TMEM63C: variants seen among roughly 807,000 people sequenced by gnomAD.
TMEM63C encodes transmembrane protein 63C.
Under a neutral mutation model 99.2 loss-of-function variants are expected in TMEM63C, and 32 were observed. The observed-to-expected ratio is 0.32, with a 90% CI of 0.24 to 0.43. TMEM63C has a LOEUF of 0.43. Ranked by LOEUF, TMEM63C falls within the 20% of genes least tolerant of loss-of-function variation. The probability of loss-of-function intolerance (pLI) is 1.00; values close to 1 mark genes in which losing one functional copy is unlikely to be tolerated. For missense variants in TMEM63C, 826 were observed against 1,053.0 expected, an observed-to-expected ratio of 0.78 and a Z score of 2.98; for synonymous variants, 376 against 397.9, an observed-to-expected ratio of 0.94 and a Z score of 0.66.
intron 1 of TMEM63C, among the ~76,000 whole-genome samples, chr14:77,202,827 AC>A (rs1888321549): frequency 6.9e-5 from 1 of 14,456 alleles, no homozygotes; most frequent in African/African-American, 3.8e-4. Flanking sequence ...AGGCAGGCGC[AC>A]ACACACACAC....
chr14:77,240,402 G>C (rs1889146178), intron 12 of TMEM63C, 73 bp from the exon 13 acceptor site: 12 of 1,509,658 alleles, frequency 7.9e-6, no homozygotes, highest in Non-Finnish European at 9.7e-6. Context: ...GGCTTGAGTG[G>C]GGAGGAACCT....
At chr14:77,239,837 C>G (rs1014501709) in intron 12 of TMEM63C, 111 bp downstream of exon 12, 5 of 1,403,176 alleles carry the variant, frequency 3.6e-6, no homozygotes, top group Admixed American at 4.7e-5. Flanking sequence ...CAGGTCTGCT[C>G]TAGTGCTCCC....
chr14:77,225,322 C>A, intron 5 of TMEM63C, 102 bp from the exon 6 acceptor site: 2 of 1,055,876 alleles, frequency 1.9e-6, no homozygotes, highest in Non-Finnish European at 1.4e-6. Context: ...GCCCCGGACG[C>A]TGCCGCGGCT....
At position 77,207,316 on chromosome 14, in the gene TMEM63C, C is replaced by T. The variant is rs1173274322; in HGVS notation, c.-76-6130C>T. 2.0e-5 allele frequency among the ~76,000 whole-genome samples: 3 copies of T among 152,270 alleles called. No homozygotes were observed. The East Asian group carries it at 5.8e-4, about 29-fold the overall frequency. ...GATGGCGTCCCAACTCCATCTGCCA[C>T]CCACAGAGGTGTTAAGAGGATAAGT... On this transcript the variant is annotated intron_variant, in intron 1 of 23. Transcript: ENST00000298351.
At chr14:77,195,199 T>C (rs1041799662) in intron 1 of TMEM63C, among the ~76,000 whole-genome samples, 2 of 152,190 alleles carry the variant, frequency 1.3e-5, no homozygotes, top group African/African-American at 4.8e-5. Context: ...CTCAGTGGGT[T>C]CACCTCTCCT....
intron 1 of TMEM63C, among the ~76,000 whole-genome samples, chr14:77,186,722 G>T (rs1224278491): frequency 1.3e-5 from 2 of 151,596 alleles, no homozygotes; most frequent in East Asian, 3.9e-4. Flanking sequence ...AATCAAAAAG[G>T]CTTCTCACAT....
At chr14:77,209,015 G>A (rs1258539478) in intron 1 of TMEM63C, among the ~76,000 whole-genome samples, 8 of 152,124 alleles carry the variant, frequency 5.3e-5, no homozygotes, top group South Asian at 2.1e-4. Context: ...TGACTGCAGC[G>A]GAGGGACGTT....
At chr14:77,220,918 GCCTCCTC>G (rs1888686709) in intron 5 of TMEM63C, among the ~76,000 whole-genome samples, 7 of 23,006 alleles carry the variant, frequency 3.0e-4, no homozygotes, top group East Asian at 7.5e-4. Flanking sequence ...TCCCACTCAC[GCCTCCTC>G]TCCCACCCAC....
At chr14:77,246,750 C>T (rs1180248725) in intron 18 of TMEM63C, 76 bp downstream of exon 18, 4 of 1,252,960 alleles carry the variant, frequency 3.2e-6, no homozygotes, top group Non-Finnish European at 1.1e-6. Context: ...TCCCTGAGTC[C>T]AGCACCTGAA....
rs373966957 is a variant in TMEM63C at position 77,240,531 on chromosome 14, C to T, written c.987C>T (p.Asn329=). The T allele has an allele frequency of 6.6e-5, 107 of 1,612,014 alleles. No homozygotes were observed. The Middle Eastern group carries it at 1.2e-3, about 17-fold the overall frequency. The change falls in exon 13 of 24, where the codon AAC becomes AAT. Residue 329 remains asparagine, a synonymous_variant. Coordinates refer to ENST00000298351, the MANE Select transcript of TMEM63C (RefSeq NM_020431.4). The part of the protein sequence containing the change: ...ELEEQLTDEF[N]AELNRVPLKR... ...AGGAGCAGCTAACGGACGAGTTCAA[C>T]GCCGAGCTCAACCGCGTGCCGCTCA...
At chr14:77,217,723 T>G (rs566496925) in intron 2 of TMEM63C, among the ~76,000 whole-genome samples, 1 of 152,228 alleles carries the variant, frequency 6.6e-6, no homozygotes, top group Non-Finnish European at 1.5e-5. Flanking sequence ...AGGCTCTGCA[T>G]TGGTGTCTCA....
chr14:77,185,989 T>G (rs1415651321), intron 1 of TMEM63C, among the ~76,000 whole-genome samples: 1 of 151,200 alleles, frequency 6.6e-6, no homozygotes, highest in African/African-American at 2.4e-5. Flanking sequence ...CAGGGACCCC[T>G]GGGATGGCGA....
intron 2 of TMEM63C, among the ~76,000 whole-genome samples, chr14:77,218,239 A>AGGGGG (rs112020982): frequency 8.0e-6 from 1 of 124,786 alleles, no homozygotes; most frequent in Non-Finnish European, 1.8e-5. Flanking sequence ...TTAAAAAAAA[A>AGGGGG]AGAGGGGGGT....
At chr14:77,202,881 C>G (rs1888325840) in intron 1 of TMEM63C, among the ~76,000 whole-genome samples, 1 of 150,132 alleles carries the variant, frequency 6.7e-6, no homozygotes. Context: ...ACACACCCCT[C>G]TACCTGGCAC....
intron 2 of TMEM63C, among the ~76,000 whole-genome samples, chr14:77,217,321 C>G (rs1344047750): frequency 2.6e-5 from 4 of 152,200 alleles, no homozygotes; most frequent in African/African-American, 9.6e-5. Flanking sequence ...TTCACTCCCT[C>G]AAGTCCTTGC....
At chr14:77,214,685 T>G (rs899614064) in intron 2 of TMEM63C, among the ~76,000 whole-genome samples, 14 of 151,914 alleles carry the variant, frequency 9.2e-5, no homozygotes, top group African/African-American at 3.4e-4. Flanking sequence ...TCCCCAGTTT[T>G]TTTCCTGTCT....
intron 1 of TMEM63C, among the ~76,000 whole-genome samples, chr14:77,208,970 T>G (rs1368867912): frequency 6.6e-6 from 1 of 151,578 alleles, no homozygotes; most frequent in Non-Finnish European, 1.5e-5. Flanking sequence ...AAGGTGGAAC[T>G]GCAATCCTCT....
intron 1 of TMEM63C, among the ~76,000 whole-genome samples, chr14:77,197,715 C>A (rs1156888092): frequency 2.6e-5 from 4 of 152,256 alleles, no homozygotes; most frequent in Admixed American, 6.5e-5. Context: ...GCTCTACAAC[C>A]AACCATGACT....
Position 77,256,972 on chromosome 14 carries a change from T to C in TMEM63C, c.*246T>C, listed in dbSNP as rs1889474313. ...GGATGGGAGGATACAGGCAAGCACA[T>C]GTCTTGAGAGAGGTGGCTGGAGCCC... On this transcript the variant is annotated 3_prime_UTR_variant, in exon 24 of 24. Coordinates refer to ENST00000298351, the MANE Select transcript of TMEM63C (RefSeq NM_020431.4). 1 of 511,330 alleles carries C rather than the reference T, an allele frequency of 2.0e-6. No homozygotes were observed. The highest frequency in any genetic ancestry group is 3.2e-5 in the East Asian group (1 of 30,786). 31.7% of individuals were successfully genotyped at this position (511,330 alleles called of 1,614,324 possible).
Sources: gnomAD v4.1 joint callset for allele counts (sites outside exome capture counted in the v4.1 genomes callset) on GRCh38, gnomAD v4.1.1 for gene constraint, MANE v1.5 for transcripts, NCBI Gene and HGNC (gene_info 2026-07-23, HGNC 2026-07-21) for gene names.